ZFYVE28: variants seen among roughly 807,000 people sequenced by gnomAD.
ZFYVE28 encodes the protein lateral signaling target protein 2 homolog.
In ZFYVE28, 40 loss-of-function variants were observed where a neutral mutation model predicts 82.1. The ratio of observed to expected loss-of-function variants is 0.49; its 90% CI spans 0.38 to 0.63. ZFYVE28 has a LOEUF of 0.63. Ranked by LOEUF, ZFYVE28 falls within the 30% of genes least tolerant of loss-of-function variation. The pLI, the probability that ZFYVE28 is intolerant of heterozygous loss-of-function variation, is 0.00. For synonymous variants in ZFYVE28, 612 were observed against 546.1 expected, an observed-to-expected ratio of 1.12 and a Z score of -1.68; for missense variants, 1,321 against 1,242.1, an observed-to-expected ratio of 1.06 and a Z score of -0.96.
intron 8 of ZFYVE28, among the ~76,000 whole-genome samples, chr4:2,280,556 T>C (rs545806043): frequency 3.4e-4 from 52 of 152,370 alleles, no homozygotes; most frequent in African/African-American, 1.3e-3. Flanking sequence ...AGATGTCATA[T>C]GTACATAAAT....
At position 2,320,751 on chromosome 4, in the gene ZFYVE28, G is replaced by A. The variant is rs1718953651; in HGVS notation, c.702-480C>T. On this transcript the variant is annotated intron_variant, in intron 6 of 12. Transcript: ENST00000290974. The surrounding 1 kb of genome is among the most constrained non-coding windows in gnomAD (Gnocchi z 5.1). ...GCACGGGTTCCCTTCCTGCAGCCTG[G>A]CCAACGCTCCACAAGCCACGAGACC... 6.6e-6 allele frequency among the ~76,000 whole-genome samples: 1 copy of A among 152,102 alleles called. No homozygotes were observed. The highest frequency in any genetic ancestry group is 2.1e-4 in the South Asian group (1 of 4,824).
chr4:2,371,234 G>A (rs966699421), intron 1 of ZFYVE28, among the ~76,000 whole-genome samples: 6 of 152,342 alleles, frequency 3.9e-5, no homozygotes, highest in East Asian at 1.9e-4. Flanking sequence ...AGCACCTGGC[G>A]GGGCTGATTT....
intron 12 of ZFYVE28, 109 bp downstream of exon 12, chr4:2,271,202 C>T (rs750687232): frequency 8.6e-6 from 10 of 1,163,070 alleles, no homozygotes; most frequent in Non-Finnish European, 1.2e-5. Flanking sequence ...CAAGACCCCA[C>T]AGGCCTCGCT....
chr4:2,358,753 C>A (rs1224794570), intron 1 of ZFYVE28, among the ~76,000 whole-genome samples: 26 of 152,252 alleles, frequency 1.7e-4, no homozygotes, highest in Admixed American at 1.7e-3. Context: ...GAAGTCCTAA[C>A]CCCCAGGACT....
At chr4:2,379,068 C>A (rs775460699) in intron 1 of ZFYVE28, among the ~76,000 whole-genome samples, 5 of 152,124 alleles carry the variant, frequency 3.3e-5, no homozygotes, top group Non-Finnish European at 7.4e-5. Flanking sequence ...CTGGCTGTCT[C>A]ATGACAGCAG....
At chr4:2,360,841 G>T (rs1726048384) in intron 1 of ZFYVE28, among the ~76,000 whole-genome samples, 1 of 152,162 alleles carries the variant, frequency 6.6e-6, no homozygotes, top group Admixed American at 6.5e-5. Context: ...TGAGCCTGCG[G>T]GCCCGACAGA....
At chr4:2,359,130 A>G (rs1578240640) in intron 1 of ZFYVE28, among the ~76,000 whole-genome samples, 3 of 150,692 alleles carry the variant, frequency 2.0e-5, no homozygotes, top group African/African-American at 2.4e-5. Context: ...GCCCACCACC[A>G]GGCCCGGCTA....
chr4:2,380,187 A>G (rs1245697888), intron 1 of ZFYVE28, among the ~76,000 whole-genome samples: 1 of 152,206 alleles, frequency 6.6e-6, no homozygotes, highest in Non-Finnish European at 1.5e-5. Context: ...TCTCATAGAA[A>G]TGTAGTTCTT....
chr4:2,398,375 G>C (rs1326781689), intron 1 of ZFYVE28, among the ~76,000 whole-genome samples: 1 of 152,244 alleles, frequency 6.6e-6, no homozygotes, highest in Non-Finnish European at 1.5e-5. Flanking sequence ...TGAAAAGAGG[G>C]CCAGGAGCTA....
At chr4:2,365,312 T>C (rs1726750237) in intron 1 of ZFYVE28, among the ~76,000 whole-genome samples, 1 of 151,974 alleles carries the variant, frequency 6.6e-6, no homozygotes, top group African/African-American at 2.4e-5. Context: ...GCGGCGCCTG[T>C]CACTCGAGCC....
intron 6 of ZFYVE28, among the ~76,000 whole-genome samples, chr4:2,323,784 A>G (rs1719458387): frequency 6.8e-6 from 1 of 146,406 alleles, no homozygotes; most frequent in South Asian, 2.2e-4. Context: ...ATGAGTGAGA[A>G]TATGCGGTGT....
intron 1 of ZFYVE28, among the ~76,000 whole-genome samples, chr4:2,369,850 CTTT>C (rs1408650676): frequency 2.0e-4 from 12 of 61,032 alleles, no homozygotes; most frequent in Non-Finnish European, 2.9e-4. Context: ...TTTTTCTTTT[CTTT>C]TTTTTTTTTT....
chr4:2,308,683 G>GAAAAGAAAAGA (rs1553830772), intron 7 of ZFYVE28, among the ~76,000 whole-genome samples: 15 of 81,512 alleles, frequency 1.8e-4, no homozygotes, highest in African/African-American at 6.9e-4. Flanking sequence ...GAAAGAGAAA[G>GAAAAGAAAAGA]AAAGAAAAGA....
chr4:2,291,142 C>T (rs1003128614), intron 8 of ZFYVE28, among the ~76,000 whole-genome samples: 1 of 152,216 alleles, frequency 6.6e-6, no homozygotes, highest in African/African-American at 2.4e-5. Context: ...TGAACAGAAG[C>T]CACCACAACT....
intron 7 of ZFYVE28, among the ~76,000 whole-genome samples, chr4:2,310,148 C>A (rs1315392179): frequency 2.0e-4 from 31 of 152,108 alleles, no homozygotes; most frequent in Non-Finnish European, 2.9e-5. Flanking sequence ...AAGCAGTCAT[C>A]CCATCTCAGC....
chr4:2,305,751 G>A (rs552795249), intron 7 of ZFYVE28, among the ~76,000 whole-genome samples: 32 of 152,382 alleles, frequency 2.1e-4, no homozygotes, highest in East Asian at 1.2e-3. Context: ...CAAGGTGGCC[G>A]GCTGGGATTC....
chr4:2,274,253 G>A (rs1187039813), intron 8 of ZFYVE28, 37 bp from the exon 9 acceptor site: 2 of 1,597,956 alleles, frequency 1.3e-6, no homozygotes, highest in Non-Finnish European at 8.6e-7. Context: ...GTGGGGTGGG[G>A]CATGATAAGG....
At chr4:2,378,969 T>C (rs1009911142) in intron 1 of ZFYVE28, among the ~76,000 whole-genome samples, 8 of 152,196 alleles carry the variant, frequency 5.3e-5, no homozygotes, top group Non-Finnish European at 8.8e-5. Flanking sequence ...CAGAGGGCTC[T>C]TCCTCTATGG....
At chr4:2,378,355 AT>A (rs1187526080) in intron 1 of ZFYVE28, among the ~76,000 whole-genome samples, 2 of 152,228 alleles carry the variant, frequency 1.3e-5, no homozygotes, top group Non-Finnish European at 2.9e-5. Flanking sequence ...AAATAAAAAA[AT>A]ATCGTTATCA....
Sources: allele counts gnomAD v4.1 joint callset (sites outside exome capture counted in the v4.1 genomes callset), GRCh38; gene constraint gnomAD v4.1.1; non-coding constraint Gnocchi (gnomAD v3.1); transcripts MANE v1.5; gene names NCBI Gene and HGNC (gene_info 2026-07-23, HGNC 2026-07-21).